UMPS: variants seen among roughly 807,000 people sequenced by gnomAD.
The protein encoded by UMPS is uridine monophosphate synthetase.
In UMPS, 21 loss-of-function variants were observed where a neutral mutation model predicts 38.9. The observed-to-expected ratio is 0.54, with a 90% CI of 0.38 to 0.78. The LOEUF (loss-of-function observed/expected upper bound fraction) is 0.78, where lower values mean the gene tolerates loss of function less well. Ranked by LOEUF, UMPS falls within the 30% of genes least tolerant of loss-of-function variation. The probability of loss-of-function intolerance (pLI) is 0.00; values close to 1 mark genes in which losing one functional copy is unlikely to be tolerated. For synonymous variants in UMPS, 208 were observed against 219.3 expected, an observed-to-expected ratio of 0.95 and a Z score of 0.45; for missense variants, 533 against 591.6, an observed-to-expected ratio of 0.90 and a Z score of 1.03.
In UMPS at chr3:124,746,087, C is replaced by T. The variant is rs983380160; in HGVS notation, c.*2003C>T. On this transcript the variant is annotated 3_prime_UTR_variant, in exon 6 of 6. Coordinates refer to ENST00000232607, the MANE Select transcript of UMPS (RefSeq NM_000373.4). ...TCACATTTCTGCCTCTGCAGTGAGA[C>T]AGCCTTGAGGTCTGCCTCCTGCTAA... 14 of 454,030 alleles carry T rather than the reference C, an allele frequency of 3.1e-5. No homozygotes were observed. The highest frequency in any genetic ancestry group is 1.8e-4 in the African/African-American group (9 of 50,022). 28.1% of individuals were successfully genotyped at this position (454,030 alleles called of 1,614,324 possible). A position where few individuals can be genotyped will look rare whatever the true frequency, so the allele number is the denominator to read the frequency against.
intron 3 of UMPS, among the ~76,000 whole-genome samples, 158 bp from the exon 4 acceptor site, chr3:124,739,866 A>G (rs1035051129): frequency 1.3e-5 from 2 of 152,218 alleles, no homozygotes; most frequent in African/African-American, 4.8e-5. Context: ...AGATGGAACC[A>G]TGGGTCTGCT....
chr3:124,746,612 TA>T lies in UMPS; in HGVS notation c.*2530del, dbSNP rs2063600361. ...TACAGAACATGATCTCTGGGCATTGTAACTCCTGGTCTTAGTGGGGAATATA... is the reference window on the plus strand; with the variant it reads ...TACAGAACATGATCTCTGGGCATTGTACTCCTGGTCTTAGTGGGGAATATA... On this transcript the variant is annotated 3_prime_UTR_variant, in exon 6 of 6. Coordinates refer to ENST00000232607, the MANE Select transcript of UMPS (RefSeq NM_000373.4). 2.2e-6 allele frequency: 1 copy of T among 454,124 alleles called. No individual in the cohort carries two copies. The highest frequency in any genetic ancestry group is 4.4e-6 in the Non-Finnish European group (1 of 226,796). The allele number at this position is 454,124 out of a possible 1,614,324, so 28.1% of individuals were successfully genotyped here. A position where few individuals can be genotyped will look rare whatever the true frequency, so the allele number is the denominator to read the frequency against.
rs1035270415 is a variant in UMPS, at chr3:124,748,822, A to G, written c.*4738A>G. The G allele has an allele frequency of 7.5e-6, 3 of 402,082 alleles. No homozygotes were observed. The highest frequency in any genetic ancestry group is 1.5e-5 in the Non-Finnish European group (3 of 201,990). The allele number at this position is 402,082 out of a possible 1,614,324, so 24.9% of individuals were successfully genotyped here. On this transcript the variant is annotated 3_prime_UTR_variant, in exon 6 of 6. Transcript: ENST00000232607. ...TGGCCTGAGCTTCCTGTGGCTCCAG[A>G]GTAACATTATAGAGAAGCTGAATTC...
intron 2 of UMPS, among the ~76,000 whole-genome samples, chr3:124,735,767 A>G (rs2063513817): frequency 6.6e-6 from 1 of 152,190 alleles, no homozygotes; most frequent in Admixed American, 6.5e-5. Context: ...ACTTGAGGTC[A>G]GGAGTTCAAG....
At position 124,748,831 on chromosome 3, in the gene UMPS, A is replaced by G. The variant is rs2063623676; in HGVS notation, c.*4747A>G. The G allele has an allele frequency of 2.4e-6, 1 of 409,292 alleles. No individual in the cohort carries two copies. Among genetic ancestry groups the G allele is most frequent in the Non-Finnish European group, 4.9e-6 (1 of 205,590 alleles). The allele number at this position is 409,292 out of a possible 1,614,324, so 25.4% of individuals were successfully genotyped here. On this transcript the variant is annotated 3_prime_UTR_variant, in exon 6 of 6. Transcript: ENST00000232607. Reference sequence around the variant, plus strand: ...CTTCCTGTGGCTCCAGAGTAACATTATAGAGAAGCTGAATTCTCCTGTTTT... The same window carrying G: ...CTTCCTGTGGCTCCAGAGTAACATTGTAGAGAAGCTGAATTCTCCTGTTTT...
rs550455684 is a variant in UMPS, at chr3:124,730,455, ACAGG to A, written c.-13_-10del. On this transcript the variant is annotated 5_prime_UTR_variant, in exon 1 of 6. Transcript: ENST00000232607. ...CGGGGCGCCTGGGAATTTGAAGCAAACAGGCAGCGCGCGACAATGGCGGTCGCTC... is the reference window on the plus strand; with the variant it reads ...CGGGGCGCCTGGGAATTTGAAGCAAACAGCGCGCGACAATGGCGGTCGCTC... The A allele has an allele frequency of 4.9e-5, 79 of 1,613,906 alleles. No individual in the cohort carries two copies. In the Admixed American group the frequency reaches 8.8e-4, roughly 18 times the overall value.
At chr3:124,736,088 C>T (rs2063516406) in intron 2 of UMPS, among the ~76,000 whole-genome samples, 1 of 151,906 alleles carries the variant, frequency 6.6e-6, no homozygotes, top group African/African-American at 2.4e-5. Flanking sequence ...TTGAGACCAG[C>T]TTTGGCAACG....
At position 124,737,779 on chromosome 3, in the gene UMPS, T is replaced by G. The variant is rs571393202; in HGVS notation, c.522T>G (p.Cys174Trp). 3 of 1,614,192 alleles carry G rather than the reference T, an allele frequency of 1.9e-6. No individual in the cohort carries two copies. Among genetic ancestry groups the G allele is most frequent in the East Asian group, 4.5e-5 (2 of 44,888 alleles). ...QAHGIRLHSV[C>W]TLSKMLEILE... ...ACGGGATCCGCCTCCACTCAGTGTG[T>G]ACATTGTCCAAAATGCTGGAGATTC... Residue 174 changes from cysteine to tryptophan, a missense_variant, in exon 3 of 6, where the codon TGT becomes TGG. Transcript: ENST00000232607.
At position 124,737,894 on chromosome 3, in the gene UMPS, G is replaced by T. The variant is rs1361943588; in HGVS notation, c.637G>T (p.Gly213Cys). The T allele has an allele frequency of 4.3e-6, 7 of 1,614,186 alleles. 1 individual carries two copies. Among genetic ancestry groups the T allele is most frequent in the Non-Finnish European group, 5.1e-6 (6 of 1,180,042 alleles). Residue 213 changes from glycine to cysteine, a missense_variant, in exon 3 of 6, where the codon GGT becomes TGT. Physicochemically the swap from Gly to Cys is radical, Grantham distance 159 (BLOSUM62 -3). Transcript: ENST00000232607. ...TGTCTTTGTGGCAGCGAATCATAAT[G>T]GTTCTCCCCTTTCTATAAAGGAAGC... Reference protein sequence around the residue: ...ENVFVAANHNGSPLSIKEAPK... With the variant: ...ENVFVAANHNCSPLSIKEAPK...
Position 124,746,856 on chromosome 3 carries a change from T to C in UMPS, c.*2772T>C, listed in dbSNP as rs1473639864. 5 of 452,714 alleles carry C rather than the reference T, an allele frequency of 1.1e-5. No individual in the cohort carries two copies. Among genetic ancestry groups the C allele is most frequent in the African/African-American group, 6.0e-5 (3 of 49,942 alleles). 28.0% of individuals were successfully genotyped at this position (452,714 alleles called of 1,614,324 possible). On this transcript the variant is annotated 3_prime_UTR_variant, in exon 6 of 6. Coordinates refer to ENST00000232607, the MANE Select transcript of UMPS (RefSeq NM_000373.4). The stretch of plus-strand genomic sequence containing the variant: ...AAACTATTTGGTGCACTTCCTCTTA[T>C]TTTAGAGCTCCCAAAGTGTAGCTCC...
At position 124,745,511 on chromosome 3, in the gene UMPS, AG is replaced by A. The variant is rs1255596727; in HGVS notation, c.*1429del. On this transcript the variant is annotated 3_prime_UTR_variant, in exon 6 of 6. Transcript: ENST00000232607. ...CCCGAGTAGCTGGGACTACAAGCCT[AG>A]GATTTTTAACTCAGGTTTTTATTAT... The A allele has an allele frequency of 4.4e-6, 2 of 453,896 alleles. No individual in the cohort carries two copies. The highest frequency in any genetic ancestry group is 8.8e-6 in the Non-Finnish European group (2 of 226,768). The allele number at this position is 453,896 out of a possible 1,614,324, so 28.1% of individuals were successfully genotyped here. A position where few individuals can be genotyped will look rare whatever the true frequency, so the allele number is the denominator to read the frequency against.
rs1322724289 is a variant in UMPS at position 124,745,600 on chromosome 3, C to T, written c.*1516C>T. On this transcript the variant is annotated 3_prime_UTR_variant, in exon 6 of 6. Coordinates refer to ENST00000232607, the MANE Select transcript of UMPS (RefSeq NM_000373.4). ...CTAAAGTCCAATTTGGGCTTCATGT[C>T]CCCAGTGCTGCATCTCCAGGGAAAT... 2.2e-6 allele frequency: 1 copy of T among 454,048 alleles called. No individual in the cohort carries two copies. Among genetic ancestry groups the T allele is most frequent in the Non-Finnish European group, 4.4e-6 (1 of 226,784 alleles). 28.1% of individuals were successfully genotyped at this position (454,048 alleles called of 1,614,324 possible).
chr3:124,733,268 CTG>C (rs1244048078), intron 1 of UMPS: 1 of 152,166 alleles, frequency 6.6e-6, no homozygotes, highest in Admixed American at 6.5e-5. Context: ...TTTTATCTCT[CTG>C]TCAAAATTTG....
At position 124,748,655 on chromosome 3, in the gene UMPS, A is replaced by G; in HGVS notation, c.*4571A>G. ...GAGGGAGGAAGGGCAGTTGACACCCAAAATAAGGGTGGGGAACTGTCAGCA... is the reference window on the plus strand; with the variant it reads ...GAGGGAGGAAGGGCAGTTGACACCCGAAATAAGGGTGGGGAACTGTCAGCA... On this transcript the variant is annotated 3_prime_UTR_variant, in exon 6 of 6. Coordinates refer to ENST00000232607, the MANE Select transcript of UMPS (RefSeq NM_000373.4). 1 of 453,998 alleles carries G rather than the reference A, an allele frequency of 2.2e-6. No homozygotes were observed. The highest frequency in any genetic ancestry group is 4.4e-6 in the Non-Finnish European group (1 of 226,750). The allele number at this position is 453,998 out of a possible 1,614,324, so 28.1% of individuals were successfully genotyped here. A position where few individuals can be genotyped will look rare whatever the true frequency, so the allele number is the denominator to read the frequency against.
At chr3:124,743,879 T>A in intron 5 of UMPS, 36 bp from the exon 6 acceptor site, 1 of 1,613,054 alleles carries the variant, frequency 6.2e-7, no homozygotes, top group Non-Finnish European at 8.5e-7. Flanking sequence ...CTGATTTTTG[T>A]ATTATGTGAA....
rs931615827 is a variant in UMPS at position 124,745,935 on chromosome 3, C to T, written c.*1851C>T. The T allele has an allele frequency of 2.2e-6, 1 of 454,116 alleles. No individual in the cohort carries two copies. The highest frequency in any genetic ancestry group is 1.6e-5 in the South Asian group (1 of 64,476). The allele number at this position is 454,116 out of a possible 1,614,324, so 28.1% of individuals were successfully genotyped here. ...TTGTCAAAACAGGTACCAGCCCCACCCGCAGCGTTTCTGACTCTGGGTAGC... is the reference window on the plus strand; with the variant it reads ...TTGTCAAAACAGGTACCAGCCCCACTCGCAGCGTTTCTGACTCTGGGTAGC... On this transcript the variant is annotated 3_prime_UTR_variant, in exon 6 of 6. Coordinates refer to ENST00000232607, the MANE Select transcript of UMPS (RefSeq NM_000373.4).
chr3:124,747,298 T>C lies in UMPS; in HGVS notation c.*3214T>C. The C allele has an allele frequency of 2.2e-6, 1 of 455,284 alleles. No individual in the cohort carries two copies. Among genetic ancestry groups the C allele is most frequent in the South Asian group, 1.5e-5 (1 of 65,270 alleles). The allele number at this position is 455,284 out of a possible 1,614,324, so 28.2% of individuals were successfully genotyped here. ...CCAGTTGCAGTGGTTGCCATCTGGG[T>C]CATCAGACCTGGCTGTCAGGGGTGC... On this transcript the variant is annotated 3_prime_UTR_variant, in exon 6 of 6. Transcript: ENST00000232607.
chr3:124,735,049 AAT>A (rs2063508048), intron 1 of UMPS, 42 bp from the exon 2 acceptor site: 2 of 1,525,518 alleles, frequency 1.3e-6, no homozygotes, highest in Non-Finnish European at 1.8e-6. Flanking sequence ...AATAAAATAA[AAT>A]AGTTACAATA....
rs762992592 is a variant in UMPS at position 124,745,525 on chromosome 3, A to C, written c.*1441A>C. 1.3e-5 allele frequency: 6 copies of C among 453,970 alleles called. No homozygotes were observed. Among genetic ancestry groups the C allele is most frequent in the Non-Finnish European group, 2.6e-5 (6 of 226,762 alleles). The allele number at this position is 453,970 out of a possible 1,614,324, so 28.1% of individuals were successfully genotyped here. ...ACTACAAGCCTAGGATTTTTAACTC[A>C]GGTTTTTATTATATTCCCTCCTGAA... On this transcript the variant is annotated 3_prime_UTR_variant, in exon 6 of 6. Coordinates refer to ENST00000232607, the MANE Select transcript of UMPS (RefSeq NM_000373.4).
Sources: gnomAD v4.1 joint callset for allele counts (sites outside exome capture counted in the v4.1 genomes callset) on GRCh38, gnomAD v4.1.1 for gene constraint, MANE v1.5 for transcripts, NCBI Gene and HGNC (gene_info 2026-07-23, HGNC 2026-07-21) for gene names.